The following ADGRL2 variants were observed in gnomAD, a reference collection of about 807,000 sequenced individuals.
The protein encoded by ADGRL2 is calcium-independent alpha-latrotoxin receptor 2.
ADGRL2 carries 44 observed loss-of-function variants against 157.4 expected under a neutral mutation model. The observed-to-expected ratio is 0.28, with a 90% CI of 0.22 to 0.36. The LOEUF (loss-of-function observed/expected upper bound fraction) is 0.36. Ranked by LOEUF, ADGRL2 falls within the 10% of genes least tolerant of loss-of-function variation. ADGRL2 has a pLI of 1.00. For synonymous variants in ADGRL2, 585 were observed against 624.7 expected (o/e 0.94, Z 0.95); for missense variants, 1,510 against 1,768.9 (o/e 0.85, Z 2.63).
chr1:81,953,117 C>A, intron 10 of ADGRL2, 92 bp downstream of exon 10: 1 of 1,093,486 alleles, frequency 9.1e-7, no homozygotes, highest in Non-Finnish European at 1.4e-6. Context: ...GTATTTCAGT[C>A]TTTGATAATT....
intron 1 of ADGRL2, among the ~76,000 whole-genome samples, chr1:81,329,639 CTAAATA>C (rs1313289144): frequency 2.6e-5 from 4 of 152,202 alleles, no homozygotes; most frequent in South Asian, 2.1e-4. Flanking sequence ...AAAGAAAGCT[CTAAATA>C]TAAAGTACAA....
chr1:81,656,045 CT>C (rs1557541681), intron 3 of ADGRL2, among the ~76,000 whole-genome samples: 1 of 152,168 alleles, frequency 6.6e-6, no homozygotes, highest in Non-Finnish European at 1.5e-5. Flanking sequence ...CTTTTTACCT[CT>C]TTTGTATATT....
At chr1:81,444,547 G>T (rs963118746) in intron 1 of ADGRL2, among the ~76,000 whole-genome samples, 7 of 152,174 alleles carry the variant, frequency 4.6e-5, no homozygotes, top group African/African-American at 1.7e-4. Flanking sequence ...GTTCCTAACG[G>T]TCAAAGTTTG....
At chr1:81,340,568 C>T (rs1012854089) in intron 1 of ADGRL2, among the ~76,000 whole-genome samples, 10 of 152,048 alleles carry the variant, frequency 6.6e-5, no homozygotes, top group African/African-American at 2.4e-4. Flanking sequence ...TTATCTATGG[C>T]CAAAACCATC....
At chr1:81,889,082 C>T (rs1340721712) in intron 2 of ADGRL2, among the ~76,000 whole-genome samples, 1 of 152,102 alleles carries the variant, frequency 6.6e-6, no homozygotes, top group Non-Finnish European at 1.5e-5. Context: ...CCTCCCTATT[C>T]CCTGAGACAC....
At chr1:81,401,529 A>T (rs2076755604) in intron 1 of ADGRL2, among the ~76,000 whole-genome samples, 1 of 152,172 alleles carries the variant, frequency 6.6e-6, no homozygotes, top group Admixed American at 6.5e-5. Flanking sequence ...CATGTATGCC[A>T]GCACTGTCCT....
intron 1 of ADGRL2, among the ~76,000 whole-genome samples, chr1:81,710,673 C>T (rs888828565): frequency 1.4e-5 from 2 of 148,050 alleles, no homozygotes; most frequent in African/African-American, 5.0e-5. Flanking sequence ...AGTTACATCT[C>T]TCAGTATTTA....
At chr1:81,527,468 T>C (rs1472469171) in intron 2 of ADGRL2, among the ~76,000 whole-genome samples, 1 of 152,138 alleles carries the variant, frequency 6.6e-6, no homozygotes, top group Non-Finnish European at 1.5e-5. Flanking sequence ...TCTCAGCACT[T>C]TGGGAGACCA....
At chr1:81,915,584 A>G (rs1016321301) in intron 3 of ADGRL2, among the ~76,000 whole-genome samples, 1 of 152,206 alleles carries the variant, frequency 6.6e-6, no homozygotes, top group Non-Finnish European at 1.5e-5. Context: ...AGTATTCCCT[A>G]AGGCTTATTC....
intron 1 of ADGRL2, among the ~76,000 whole-genome samples, chr1:81,358,006 A>C (rs1264001011): frequency 6.6e-6 from 1 of 152,238 alleles, no homozygotes; most frequent in Non-Finnish European, 1.5e-5. Flanking sequence ...AAATTAGCAA[A>C]AGCTGAATAA....
chr1:81,578,648 TAATAAG>T (rs1318186761), intron 2 of ADGRL2, among the ~76,000 whole-genome samples: 1 of 152,054 alleles, frequency 6.6e-6, no homozygotes, highest in Non-Finnish European at 1.5e-5. Context: ...AGTTCTAAAA[TAATAAG>T]AATGATAGTA....
chr1:81,890,771 C>T (rs1438961782), intron 2 of ADGRL2, among the ~76,000 whole-genome samples: 1 of 152,066 alleles, frequency 6.6e-6, no homozygotes, highest in Non-Finnish European at 1.5e-5. Flanking sequence ...CCATGTTCAC[C>T]TAGGTCTACA....
chr1:81,578,350 G>T (rs2080838290), intron 2 of ADGRL2, among the ~76,000 whole-genome samples: 1 of 152,072 alleles, frequency 6.6e-6, no homozygotes, highest in Non-Finnish European at 1.5e-5. Context: ...ATTTTTGCCT[G>T]GACAGACAAA....
chr1:81,836,408 T>C (rs1438212304), intron 1 of ADGRL2, among the ~76,000 whole-genome samples: 1 of 152,108 alleles, frequency 6.6e-6, no homozygotes, highest in Non-Finnish European at 1.5e-5. Context: ...ATGTTTGCTG[T>C]GATTCCTCAC....
At chr1:81,797,797 CA>C (rs2087666106), upstream of ADGRL2, among the ~76,000 whole-genome samples, 1 of 152,108 alleles carries the variant, frequency 6.6e-6, no homozygotes, top group African/African-American at 2.4e-5. Context: ...AAATTAAAAA[CA>C]TGAGTTTCTA....
At chr1:81,365,098 G>A (rs2076042594) in intron 1 of ADGRL2, among the ~76,000 whole-genome samples, 2 of 152,108 alleles carry the variant, frequency 1.3e-5, no homozygotes, top group South Asian at 4.1e-4. Context: ...AGTTCAAGTG[G>A]GAGTATACTG....
chr1:81,861,502 C>T (rs1230146165), intron 2 of ADGRL2, among the ~76,000 whole-genome samples: 5 of 152,130 alleles, frequency 3.3e-5, no homozygotes, highest in East Asian at 3.9e-4. Context: ...AAGGTGTTAC[C>T]GTGCAGTGTT....
chr1:81,472,383 T>C (rs2078189065), intron 2 of ADGRL2, among the ~76,000 whole-genome samples: 1 of 152,232 alleles, frequency 6.6e-6, no homozygotes, highest in Admixed American at 6.5e-5. Flanking sequence ...CCTAGCACTT[T>C]GCGAGGCCGA....
chr1:81,824,738 G>T (rs952478493), intron 1 of ADGRL2, among the ~76,000 whole-genome samples: 1 of 152,178 alleles, frequency 6.6e-6, no homozygotes, highest in African/African-American at 2.4e-5. Context: ...TATGGCACAG[G>T]TGGTTTTTAA....
Sources: allele counts gnomAD v4.1 joint callset (sites outside exome capture counted in the v4.1 genomes callset), GRCh38; gene constraint gnomAD v4.1.1; transcripts MANE v1.5; gene names NCBI Gene and HGNC (gene_info 2026-07-23, HGNC 2026-07-21).